NLGN1: variants seen among roughly 807,000 people sequenced by gnomAD.
The protein encoded by NLGN1 is neuroligin-1.
NLGN1 carries 12 observed loss-of-function variants against 65.5 expected under a neutral mutation model. The ratio of observed to expected loss-of-function variants is 0.18; its 90% confidence interval spans 0.12 to 0.30. The LOEUF is 0.30. NLGN1 is among the 10% of genes least tolerant of loss of function. The probability of loss-of-function intolerance (pLI) is 1.00; values close to 1 mark genes in which losing one functional copy is unlikely to be tolerated. For missense variants in NLGN1, 750 were observed against 1,007.1 expected, an observed-to-expected ratio of 0.74 and a Z score of 3.46; for synonymous variants, 350 against 359.5, an observed-to-expected ratio of 0.97 and a Z score of 0.30.
intron 4 of NLGN1, among the ~76,000 whole-genome samples, chr3:173,995,742 A>T (rs1320737628): frequency 6.7e-6 from 1 of 148,484 alleles, no homozygotes; most frequent in Non-Finnish European, 1.5e-5. Flanking sequence ...GCTGGAGTAC[A>T]GTGGCTCCAT....
intron 3 of NLGN1, among the ~76,000 whole-genome samples, chr3:173,689,690 A>G (rs1395407157): frequency 6.6e-6 from 1 of 152,158 alleles, no homozygotes; most frequent in Non-Finnish European, 1.5e-5. Context: ...TTTATCTTGA[A>G]TTATTTTTCA....
chr3:173,903,194 T>TA (rs1737706357), intron 4 of NLGN1, among the ~76,000 whole-genome samples: 1 of 151,974 alleles, frequency 6.6e-6, no homozygotes, highest in Admixed American at 6.6e-5. Context: ...TTTTGGAGGG[T>TA]AATGGCCTCA....
At chr3:173,901,372 T>G (rs111582820) in intron 4 of NLGN1, among the ~76,000 whole-genome samples, 12,496 of 132,020 alleles carry the variant, frequency 0.095, 984 homozygotes, top group East Asian at 0.31. Context: ...TTTGGGGGGG[T>G]GTGTGTGTGT....
intron 4 of NLGN1, among the ~76,000 whole-genome samples, chr3:173,841,259 A>G (rs927355984): frequency 3.3e-5 from 5 of 152,128 alleles, no homozygotes; most frequent in African/African-American, 9.7e-5. Context: ...TAGTTTATAC[A>G]TTTTCCCCAA....
chr3:174,234,510 G>A (rs1302764660), intron 4 of NLGN1, among the ~76,000 whole-genome samples: 3 of 152,150 alleles, frequency 2.0e-5, no homozygotes, highest in South Asian at 4.1e-4. Context: ...TAAACTCCAC[G>A]ATTTTGCCTC....
intron 4 of NLGN1, among the ~76,000 whole-genome samples, chr3:174,050,035 A>C (rs2152501600): frequency 6.6e-6 from 1 of 152,266 alleles, no homozygotes; most frequent in African/African-American, 2.4e-5. Context: ...TAATAAGAAA[A>C]AAGTTTAAAA....
chr3:174,019,246 A>G (rs116199568), intron 4 of NLGN1, among the ~76,000 whole-genome samples: 17 of 152,140 alleles, frequency 1.1e-4, no homozygotes, highest in Non-Finnish European at 2.4e-4. Context: ...CTTAATCCCT[A>G]AATTCATATG....
chr3:174,053,938 A>G (rs1485968192), intron 4 of NLGN1, among the ~76,000 whole-genome samples: 1 of 151,988 alleles, frequency 6.6e-6, no homozygotes, highest in Non-Finnish European at 1.5e-5. Context: ...TTTCAATATA[A>G]GGAATTTATT....
chr3:173,917,783 G>A (rs1421491972), intron 4 of NLGN1, among the ~76,000 whole-genome samples: 1 of 151,694 alleles, frequency 6.6e-6, no homozygotes, highest in Non-Finnish European at 1.5e-5. Context: ...TCCATGACAC[G>A]ATGAAATATT....
chr3:174,262,355 A>G (rs1747095132), intron 4 of NLGN1, among the ~76,000 whole-genome samples: 2 of 116,526 alleles, frequency 1.7e-5, no homozygotes, highest in Non-Finnish European at 3.5e-5. Flanking sequence ...TATTGCCACA[A>G]TTTCAGCTCC....
At chr3:173,486,081 G>C (rs1728129036) in intron 2 of NLGN1, among the ~76,000 whole-genome samples, 1 of 152,016 alleles carries the variant, frequency 6.6e-6, no homozygotes, top group African/African-American at 2.4e-5. Context: ...GTCTCACTCT[G>C]CTGCCCAGGC....
At chr3:173,819,553 CA>C (rs1719772046) in intron 4 of NLGN1, among the ~76,000 whole-genome samples, 2 of 152,208 alleles carry the variant, frequency 1.3e-5, no homozygotes, top group Admixed American at 1.3e-4. Flanking sequence ...TGACCTGCCA[CA>C]AATACCCATC....
chr3:173,582,891 A>G lies in NLGN1; in HGVS notation c.-320-21388A>G, dbSNP rs188607019. On this transcript the variant is annotated intron_variant, in intron 2 of 6. Transcript: ENST00000457714. ...TAAATGTTGTAAAATTTTGCTCAGC[A>G]TCTTTAGGTCTTTAACCCACCTTAA... Among the ~76,000 whole-genome samples the G allele has an allele frequency of 2.6e-3, 390 of 152,246 alleles. 8 individuals carry two copies. The highest frequency in any genetic ancestry group is 0.023 in the Admixed American group (354 of 15,298).
intron 2 of NLGN1, among the ~76,000 whole-genome samples, chr3:173,490,324 T>C (rs1282880304): frequency 6.6e-6 from 1 of 152,180 alleles, no homozygotes; most frequent in Non-Finnish European, 1.5e-5. Flanking sequence ...CTAGCCAGTT[T>C]TCCCAGCACC....
intron 2 of NLGN1, among the ~76,000 whole-genome samples, chr3:173,491,372 G>C (rs1295287260): frequency 6.6e-6 from 1 of 151,746 alleles, no homozygotes; most frequent in East Asian, 1.9e-4. Flanking sequence ...TTTGTCATTG[G>C]TTCTGTTTAT....
intron 4 of NLGN1, among the ~76,000 whole-genome samples, chr3:174,140,954 T>C (rs1441710728): frequency 1.3e-5 from 2 of 152,184 alleles, no homozygotes; most frequent in Non-Finnish European, 2.9e-5. Flanking sequence ...TTAATCTCTA[T>C]ATTAAAGTAT....
chr3:173,884,181 C>T (rs917621815), intron 4 of NLGN1, among the ~76,000 whole-genome samples: 1 of 151,840 alleles, frequency 6.6e-6, no homozygotes, highest in African/African-American at 2.4e-5. Context: ...GAAAGGAGTT[C>T]TCTGCTCAGT....
chr3:174,072,219 A>G lies in NLGN1; in HGVS notation c.647-203096A>G, dbSNP rs111453881. Among the ~76,000 whole-genome samples the G allele has an allele frequency of 5.3e-3, 802 of 152,296 alleles. 4 individuals are homozygous for G. The highest frequency in any genetic ancestry group is 0.014 in the Middle Eastern group (4 of 294). ...CATGCTCCTTTCATTCTACAAATGA[A>G]CCAGAGAATTCATGGGTTTGCCTAA... is the stretch of plus-strand genomic sequence containing the variant. On this transcript the variant is annotated intron_variant, in intron 4 of 6. Transcript: ENST00000457714.
intron 4 of NLGN1, among the ~76,000 whole-genome samples, chr3:173,917,291 T>C (rs557198757): frequency 4.6e-4 from 70 of 152,324 alleles, no homozygotes; most frequent in Admixed American, 9.8e-4. Flanking sequence ...ATTGATACTT[T>C]ATCACGGGTA....
Sources: gnomAD v4.1 joint callset for allele counts (sites outside exome capture counted in the v4.1 genomes callset) on GRCh38, gnomAD v4.1.1 for gene constraint, MANE v1.5 for transcripts, NCBI Gene and HGNC (gene_info 2026-07-23, HGNC 2026-07-21) for gene names.